Variants in PSMC4 observed in about 807,000 individuals in gnomAD.
PSMC4 encodes the protein proteasome 26S subunit, ATPase 4, also known as 26S proteasome regulatory subunit 6B.
A neutral mutation model predicts 48.4 loss-of-function variants in PSMC4; 13 were observed. The observed-to-expected ratio is 0.27, with a 90% CI of 0.18 to 0.43. PSMC4 has a LOEUF of 0.43. PSMC4 is among the 20% of genes least tolerant of loss of function. The pLI is 1.00. For synonymous variants in PSMC4, 202 were observed against 212.3 expected (o/e 0.95, Z 0.42); for missense variants, 262 against 555.9 (o/e 0.47, Z 5.32).
intron 6 of PSMC4, among the ~76,000 whole-genome samples, chr19:39,976,045 G>A (rs952104208): frequency 3.3e-5 from 5 of 151,886 alleles, no homozygotes; most frequent in Non-Finnish European, 4.4e-5. Context: ...TCAGGAGATC[G>A]AGACCACAGT....
rs764694530 is a variant in PSMC4, at chr19:39,974,147, G to A, written c.323-147G>A. 9.7e-6 allele frequency: 9 copies of A among 928,144 alleles called. No homozygotes were observed. Among genetic ancestry groups the A allele is most frequent in the Admixed American group, 2.6e-5 (1 of 38,184 alleles). The allele number at this position is 928,144 out of a possible 1,614,324, so 57.5% of individuals were successfully genotyped here. Reference sequence around the variant, plus strand: ...AGGAGTTCGTGTGAATACTGGGGACGGACAGCAGGAGGGAAGGCTGGAGGC... The same window carrying A: ...AGGAGTTCGTGTGAATACTGGGGACAGACAGCAGGAGGGAAGGCTGGAGGC... On this transcript the variant is annotated intron_variant, in intron 3 of 10. Coordinates refer to ENST00000157812, the MANE Select transcript of PSMC4 (RefSeq NM_006503.4). The surrounding 1 kb of genome is among the most constrained non-coding windows in gnomAD (Gnocchi z 5.5).
chr19:39,977,644 A>T (rs1488285653), intron 6 of PSMC4, among the ~76,000 whole-genome samples: 1 of 152,040 alleles, frequency 6.6e-6, no homozygotes, highest in Non-Finnish European at 1.5e-5. Flanking sequence ...ACATAGTGAA[A>T]CCCCATCTCT....
At chr19:39,978,006 G>A (rs1971231568) in intron 6 of PSMC4, among the ~76,000 whole-genome samples, 1 of 152,014 alleles carries the variant, frequency 6.6e-6, no homozygotes, top group Non-Finnish European at 1.5e-5. Flanking sequence ...TTCATTTTCA[G>A]TAGAGACAGG....
rs953967581 is a variant in PSMC4, at chr19:39,972,712, T to TAC, written c.322+161_322+162dup. On this transcript the variant is annotated intron_variant, in intron 3 of 10. Coordinates refer to ENST00000157812, the MANE Select transcript of PSMC4 (RefSeq NM_006503.4). Reference sequence around the variant, plus strand: ...AGAAATACATACATATATATATATATACACATATATATATGTATATCTATG... The same window carrying TAC: ...AGAAATACATACATATATATATATATACACACATATATATATGTATATCTATG... Among the ~76,000 whole-genome samples the TAC allele has an allele frequency of 6.6e-4, 101 of 151,880 alleles. 1 individual carries two copies. The highest frequency in any genetic ancestry group is 1.0e-3 in the Admixed American group (16 of 15,264).
Position 39,972,405 on chromosome 19 carries a change from G to A in PSMC4, c.172G>A (p.Glu58Lys). 1 of 1,614,166 alleles carries A rather than the reference G, an allele frequency of 6.2e-7. No homozygotes were observed. The highest frequency in any genetic ancestry group is 8.5e-7 in the Non-Finnish European group (1 of 1,180,024). ...AGAGCTGGAGTTCCTGGAGGTGCAG[G>A]AGGAATACATCAAAGATGAGCAAAA... ...QQELEFLEVQ[E>K]EYIKDEQKNL... Residue 58 changes from glutamate to lysine, a missense_variant, in exon 3 of 11, where the codon GAG becomes AAG. Coordinates refer to ENST00000157812, the MANE Select transcript of PSMC4 (RefSeq NM_006503.4).
chr19:39,975,092 C>G (rs1971176416), intron 6 of PSMC4, among the ~76,000 whole-genome samples: 1 of 152,122 alleles, frequency 6.6e-6, no homozygotes, highest in Admixed American at 6.6e-5. Context: ...TTATGAATTT[C>G]AATTTGTGGG....
At chr19:39,972,632 A>C (rs1971120470) in intron 3 of PSMC4, 77 bp downstream of exon 3, 1 of 1,367,362 alleles carries the variant, frequency 7.3e-7, no homozygotes, top group Admixed American at 2.2e-5. Context: ...AGCAGCAAAC[A>C]AGGCAGGGCA....
At chr19:39,973,174 C>T (rs573771522) in intron 3 of PSMC4, among the ~76,000 whole-genome samples, 75 of 152,242 alleles carry the variant, frequency 4.9e-4, no homozygotes, top group Non-Finnish European at 8.7e-4. Flanking sequence ...GTTTTCTATC[C>T]TATTCTAGTC....
At chr19:39,977,072 C>T (rs1440016830) in intron 6 of PSMC4, among the ~76,000 whole-genome samples, 3 of 151,714 alleles carry the variant, frequency 2.0e-5, no homozygotes, top group Non-Finnish European at 4.4e-5. Flanking sequence ...AGGCAGGTCT[C>T]GAACTCCTGG....
chr19:39,981,055 C>T (rs1971279908), intron 10 of PSMC4, 137 bp from the exon 11 acceptor site: 2 of 664,448 alleles, frequency 3.0e-6, no homozygotes, highest in Non-Finnish European at 5.3e-6. Context: ...CAGGGTTTCA[C>T]CATGTTGCCC....
chr19:39,974,422 A>G lies in PSMC4; in HGVS notation c.451A>G (p.Ile151Val). ...DVLPPEADSS[I>V]MMLTSDQKPD... ...GCTGCCCCCCGAAGCCGACAGCAGC[A>G]TCATGATGCTCACCTCAGGTAAAGG... The change falls in exon 4 of 11, where the codon ATC becomes GTC. Residue 151 changes from isoleucine (I) to valine (V), a missense_variant. Around this residue, in one of 4 missense-constraint regions of PSMC4, gnomAD observed 131 missense variants for 276.7 expected, o/e 0.47. Coordinates refer to ENST00000157812, the MANE Select transcript of PSMC4 (RefSeq NM_006503.4). This position sits in a 1 kb window ranked among gnomAD's most constrained non-coding sequence, Gnocchi z 5.5. The G allele has an allele frequency of 6.2e-7, 1 of 1,614,108 alleles. No homozygotes were observed. Among genetic ancestry groups the G allele is most frequent in the Non-Finnish European group, 8.5e-7 (1 of 1,180,000 alleles).
chr19:39,973,760 T>C (rs1340621875), intron 3 of PSMC4, among the ~76,000 whole-genome samples: 1 of 152,048 alleles, frequency 6.6e-6, no homozygotes, highest in Non-Finnish European at 1.5e-5. Context: ...GACCAAGCCA[T>C]GTTCTTGTAA....
rs1227971753 is a variant in PSMC4 at position 39,974,481 on chromosome 19, C to A, written c.469+41C>A. On this transcript the variant is annotated intron_variant, in intron 4 of 10. Coordinates refer to ENST00000157812, the MANE Select transcript of PSMC4 (RefSeq NM_006503.4). The surrounding 1 kb of genome is among the most constrained non-coding windows in gnomAD (Gnocchi z 5.5). Reference sequence around the variant, plus strand: ...GCAGCTGGGAGGGCCCCATGGGGACCTTGAGGACCTGGCCAGGAGCCCCAG... The same window carrying A: ...GCAGCTGGGAGGGCCCCATGGGGACATTGAGGACCTGGCCAGGAGCCCCAG... The A allele has an allele frequency of 6.2e-7, 1 of 1,613,278 alleles. No homozygotes were observed.
chr19:39,971,196 G>C lies in PSMC4; in HGVS notation c.-7G>C, dbSNP rs377120872. The C allele has an allele frequency of 4.3e-6, 7 of 1,613,968 alleles. No homozygotes were observed. Among genetic ancestry groups the C allele is most frequent in the African/African-American group, 1.3e-5 (1 of 74,930 alleles). Reference sequence around the variant, plus strand: ...TCCCAGGCCACACAGAGGCCGGCTTGGTCACTATGGAGGAGATAGGCATCT... The same window carrying C: ...TCCCAGGCCACACAGAGGCCGGCTTCGTCACTATGGAGGAGATAGGCATCT... On this transcript the variant is annotated 5_prime_UTR_variant, in exon 1 of 11. Coordinates refer to ENST00000157812, the MANE Select transcript of PSMC4 (RefSeq NM_006503.4).
Position 39,980,797 on chromosome 19 carries a change from G to A in PSMC4, c.1143+80G>A, listed in dbSNP as rs1971276304. 6 of 1,426,972 alleles carry A rather than the reference G, an allele frequency of 4.2e-6. No homozygotes were observed. The highest frequency in any genetic ancestry group is 2.3e-5 in the East Asian group (1 of 44,006). The allele number at this position is 1,426,972 out of a possible 1,614,324, so 88.4% of individuals were successfully genotyped here. On this transcript the variant is annotated intron_variant, in intron 10 of 10. Coordinates refer to ENST00000157812, the MANE Select transcript of PSMC4 (RefSeq NM_006503.4). The surrounding 1 kb of genome is among the most constrained non-coding windows in gnomAD (Gnocchi z 4.8). ...CTCTGAACCACTCTGCTGCAGTCCT[G>A]TCCCCTCATGGCTGCCCTGGGTCGT...
chr19:39,981,615 A>C lies in PSMC4; in HGVS notation c.*310A>C, dbSNP rs1347751455. On this transcript the variant is annotated 3_prime_UTR_variant, in exon 11 of 11. Transcript: ENST00000157812. The stretch of plus-strand genomic sequence containing the variant: ...TTCCAAAATGTGGGGAAAGGGATGG[A>C]AAATGAACCTGAGATGGAGTCCTTA... Among the ~76,000 whole-genome samples, 1 of 152,144 alleles carries C rather than the reference A, an allele frequency of 6.6e-6. No individual in the cohort carries two copies. The highest frequency in any genetic ancestry group is 1.5e-5 in the Non-Finnish European group (1 of 68,028).
At position 39,974,663 on chromosome 19, in the gene PSMC4, GAGGCCCCA is replaced by G. The variant is rs761365263; in HGVS notation, c.579+31_579+38del. The stretch of plus-strand genomic sequence containing the variant: ...GGCGGTGCAGGTGGCAGGGAAGGGA[GAGGCCCCA>G]TTGGGTCTGGGGTTGGAGGTGGAAC... On this transcript the variant is annotated intron_variant, in intron 5 of 10. Transcript: ENST00000157812. The surrounding 1 kb of genome is among the most constrained non-coding windows in gnomAD (Gnocchi z 5.5). The G allele has an allele frequency of 0.013, 20,428 of 1,612,652 alleles. 176 individuals carry two copies. Among genetic ancestry groups the G allele is most frequent in the Non-Finnish European group, 0.015 (17,797 of 1,178,720 alleles).
chr19:39,972,110 GTCT>G, intron 1 of PSMC4, 33 bp from the exon 2 acceptor site: 2 of 1,576,910 alleles, frequency 1.3e-6, no homozygotes, highest in South Asian at 1.1e-5. Context: ...TGAGAGGACT[GTCT>G]TCTTCCAATG....
intron 3 of PSMC4, among the ~76,000 whole-genome samples, chr19:39,973,649 G>A (rs1432733729): frequency 8.1e-5 from 12 of 148,694 alleles, no homozygotes; most frequent in Admixed American, 6.7e-4. Context: ...AGAGTATATT[G>A]TAGCTGCTGC....
Sources: allele counts gnomAD v4.1 joint callset (sites outside exome capture counted in the v4.1 genomes callset), GRCh38; gene constraint gnomAD v4.1.1; regional missense constraint gnomAD v4.1.1; non-coding constraint Gnocchi (gnomAD v3.1); transcripts MANE v1.5; gene names NCBI Gene and HGNC (gene_info 2026-07-23, HGNC 2026-07-21).